Variants in C1D observed in about 807,000 individuals in gnomAD.
C1D encodes the protein C1D nuclear receptor corepressor, also known as nuclear nucleic acid-binding protein C1D.
Under a neutral mutation model 17.5 loss-of-function variants are expected in C1D, and 10 were observed. The ratio of observed to expected loss-of-function variants is 0.57; its 90% CI spans 0.35 to 0.97. The LOEUF is 0.97. C1D is among the 50% of genes least tolerant of loss of function. C1D has a pLI of 0.01. For synonymous variants in C1D, 49 were observed against 54.0 expected (o/e 0.91, Z 0.40); for missense variants, 136 against 160.1 (o/e 0.85, Z 0.81).
Position 68,047,177 on chromosome 2 carries a change from T to C in C1D, c.134A>G (p.Gln45Arg). 1 of 1,598,976 alleles carries C rather than the reference T, an allele frequency of 6.3e-7. No individual in the cohort carries two copies. The highest frequency in any genetic ancestry group is 8.5e-7 in the Non-Finnish European group (1 of 1,176,194). ...GAAATTACATTTTTAAAATACCTTC[T>C]GCAACAACTCATTTCTAGAAACAGA... ...MMSVSRNELL[Q>R]KLDPLEQAKV... Residue 45 changes from glutamine to arginine, a missense_variant, in exon 2 of 5, where the codon CAG (glutamine) becomes CGG (arginine). By Grantham distance (43) the Gln-to-Arg change is conservative (BLOSUM62 1). Coordinates refer to ENST00000410067, the MANE Select transcript of C1D (RefSeq NM_173177.3).
chr2:68,057,604 C>T (rs139653436), intron 1 of C1D, among the ~76,000 whole-genome samples: 2 of 152,236 alleles, frequency 1.3e-5, no homozygotes, highest in East Asian at 3.9e-4. Flanking sequence ...TGAGGAAGTA[C>T]ATTTTGTTAC....
chr2:68,053,372 T>A, intron 1 of C1D: 1 of 677,126 alleles, frequency 1.5e-6, no homozygotes, highest in Non-Finnish European at 2.3e-6. Context: ...AGCTACCTCT[T>A]TCCTTTAATT....
At chr2:68,051,669 C>T (rs1290730107) in intron 1 of C1D, among the ~76,000 whole-genome samples, 1 of 152,068 alleles carries the variant, frequency 6.6e-6, no homozygotes, top group Non-Finnish European at 1.5e-5. Context: ...CAGGCACATG[C>T]CTACCTCCCT....
intron 1 of C1D, chr2:68,053,004 TA>T: frequency 6.5e-7 from 1 of 1,537,964 alleles, no homozygotes; most frequent in Non-Finnish European, 8.8e-7. Context: ...CAAAAGAAGT[TA>T]AAGAACATGC....
chr2:68,056,382 G>C (rs750312049), intron 1 of C1D, among the ~76,000 whole-genome samples: 1 of 151,996 alleles, frequency 6.6e-6, no homozygotes, highest in South Asian at 2.1e-4. Flanking sequence ...GATTACAGGT[G>C]TGAGCCATCG....
chr2:68,062,173 A>G (rs1671652187), intron 1 of C1D, among the ~76,000 whole-genome samples: 1 of 152,234 alleles, frequency 6.6e-6, no homozygotes, highest in Admixed American at 6.5e-5. Context: ...CCATAAATAT[A>G]TACACCTATG....
At chr2:68,050,059 G>T (rs911856163) in intron 1 of C1D, among the ~76,000 whole-genome samples, 3 of 152,176 alleles carry the variant, frequency 2.0e-5, no homozygotes, top group African/African-American at 7.2e-5. Flanking sequence ...GTGTTAGAAA[G>T]GGTATACACT....
In C1D at chr2:68,046,052, G is replaced by T. The variant is rs551804206; in HGVS notation, c.206-9C>A. 1.0e-4 allele frequency: 157 copies of T among 1,560,252 alleles called. 2 individuals are homozygous for T. In the South Asian group the frequency reaches 1.6e-3, roughly 16 times the overall value. On this transcript the variant is annotated splice_polypyrimidine_tract_variant and intron_variant, in intron 3 of 4. Transcript: ENST00000410067. ...TTGGGTTGCCAAATAAACTACAAGA[G>T]AAAAATTTCATGGAATAAAATGGTG...
At chr2:68,044,686 C>T (rs753997823) in intron 4 of C1D, among the ~76,000 whole-genome samples, 9 of 150,862 alleles carry the variant, frequency 6.0e-5, no homozygotes, top group Non-Finnish European at 1.2e-4. Flanking sequence ...CCAGCCTGGG[C>T]GACAGAGCAA....
chr2:68,061,894 T>G (rs1321026712), intron 1 of C1D, among the ~76,000 whole-genome samples: 3 of 152,254 alleles, frequency 2.0e-5, no homozygotes, highest in African/African-American at 7.2e-5. Context: ...ATCTTTTGAC[T>G]GAGAATTTTA....
At chr2:68,054,005 A>AT (rs1179857546) in intron 1 of C1D, among the ~76,000 whole-genome samples, 1 of 152,178 alleles carries the variant, frequency 6.6e-6, no homozygotes, top group East Asian at 1.9e-4. Flanking sequence ...CTCTTAATGT[A>AT]TTTTTATTTA....
intron 3 of C1D, 147 bp from the exon 4 acceptor site, chr2:68,046,190 T>C (rs1671115929): frequency 2.5e-6 from 2 of 798,188 alleles, no homozygotes; most frequent in African/African-American, 1.8e-5. Context: ...ACTAAATCTA[T>C]GTGTGGCTCA....
rs928258677 is a variant in C1D at position 68,042,040 on chromosome 2, A to C, written c.*849T>G. 6.6e-6 allele frequency: 1 copy of C among 152,026 alleles called. No individual in the cohort carries two copies. The highest frequency in any genetic ancestry group is 2.4e-5 in the African/African-American group (1 of 41,436). The allele number at this position is 152,026 out of a possible 1,614,324, so 9.4% of individuals were successfully genotyped here. ...GTATGTACTTGATACAGCCTCAAAA[A>C]CATGAAATAAAAAAAATCTGAAAAA... On this transcript the variant is annotated 3_prime_UTR_variant, in exon 5 of 5. Coordinates refer to ENST00000410067, the MANE Select transcript of C1D (RefSeq NM_173177.3).
At chr2:68,056,112 T>TAAA (rs1365245435) in intron 1 of C1D, among the ~76,000 whole-genome samples, 2 of 152,208 alleles carry the variant, frequency 1.3e-5, no homozygotes, top group African/African-American at 2.4e-5. Flanking sequence ...AGTGTCTATT[T>TAAA]ATTTCAAGAG....
chr2:68,060,938 C>A (rs1380628483), intron 1 of C1D, among the ~76,000 whole-genome samples: 2 of 152,088 alleles, frequency 1.3e-5, no homozygotes. Context: ...ATCAAAGTAA[C>A]CTAAGACGTA....
At chr2:68,062,713 AAG>A (rs1325483308) in intron 1 of C1D, among the ~76,000 whole-genome samples, 1 of 152,062 alleles carries the variant, frequency 6.6e-6, no homozygotes, top group Non-Finnish European at 1.5e-5. Flanking sequence ...ACCGGAGCAA[AAG>A]AGAGAAATGA....
intron 2 of C1D, 29 bp downstream of exon 2, chr2:68,047,144 A>G: frequency 6.3e-7 from 1 of 1,585,158 alleles, no homozygotes; most frequent in Non-Finnish European, 8.6e-7. Context: ...TATGAAATTC[A>G]TTTTTAGGAA....
intron 1 of C1D, among the ~76,000 whole-genome samples, chr2:68,047,853 T>G (rs971393345): frequency 1.3e-5 from 2 of 152,228 alleles, no homozygotes; most frequent in East Asian, 3.8e-4. Flanking sequence ...TAAAGTTTGA[T>G]AAATAGATCC....
chr2:68,047,416 A>C, intron 1 of C1D, 97 bp from the exon 2 acceptor site: 1 of 840,576 alleles, frequency 1.2e-6, no homozygotes, highest in Non-Finnish European at 1.8e-6. Flanking sequence ...TGTATTTCAA[A>C]GGCACTAAGA....
Sources: allele counts gnomAD v4.1 joint callset (sites outside exome capture counted in the v4.1 genomes callset), GRCh38; gene constraint gnomAD v4.1.1; transcripts MANE v1.5; gene names NCBI Gene and HGNC (gene_info 2026-07-23, HGNC 2026-07-21).